The following SH3BP4 variants were observed in gnomAD, a reference collection of about 807,000 sequenced individuals.
The protein encoded by SH3BP4 is SH3 domain-binding protein 4.
A neutral mutation model predicts 65.5 loss-of-function variants in SH3BP4; 33 were observed. The ratio of observed to expected loss-of-function variants is 0.50; its 90% CI spans 0.38 to 0.67. The LOEUF is 0.67. Among genes scored for constraint, SH3BP4 ranks in the 30% least tolerant of loss-of-function variants. The pLI, the probability that SH3BP4 is intolerant of heterozygous loss-of-function variation, is 0.00. For missense variants in SH3BP4, 1,134 were observed against 1,261.4 expected (o/e 0.90, Z 1.53); for synonymous variants, 552 against 545.5 (o/e 1.01, Z -0.17).
intron 4 of SH3BP4, among the ~76,000 whole-genome samples, chr2:235,049,531 C>G (rs568370081): frequency 4.8e-4 from 73 of 152,314 alleles, no homozygotes; most frequent in African/African-American, 1.8e-3. Context: ...GCTGCCACCA[C>G]AGCAAGAAAA....
rs1398236547 is a variant in SH3BP4, at chr2:235,045,110, C to T, written c.2478+1863C>T. On this transcript the variant is annotated intron_variant, in intron 4 of 5. Coordinates refer to ENST00000392011, the MANE Select transcript of SH3BP4 (RefSeq NM_014521.3). The surrounding 1 kb of genome is among the most constrained non-coding windows in gnomAD (Gnocchi z 4.3). ...CTCCTGGCTCTCCAGAACCTGGTGC[C>T]GGGCCGTGGCCTGGTCTCCTCACGG... 6.6e-6 allele frequency among the ~76,000 whole-genome samples: 1 copy of T among 152,172 alleles called. No individual in the cohort carries two copies. The highest frequency in any genetic ancestry group is 1.5e-5 in the Non-Finnish European group (1 of 68,038).
In SH3BP4 at chr2:235,022,507, C is replaced by T. The variant is rs150034798; in HGVS notation, c.-132-12364C>T. 5.4e-3 allele frequency among the ~76,000 whole-genome samples: 817 copies of T among 151,708 alleles called. 5 individuals carry two copies. Among genetic ancestry groups the T allele is most frequent in the African/African-American group, 0.019 (778 of 41,318 alleles). ...CTGCATTCCAGCCTGGGCGACAGAG[C>T]GAGACTCTGTCTCCAAAAAAAAAAA... On this transcript the variant is annotated intron_variant, in intron 2 of 5. Coordinates refer to ENST00000392011, the MANE Select transcript of SH3BP4 (RefSeq NM_014521.3).
chr2:234,990,100 A>G lies in SH3BP4; in HGVS notation c.-206-5203A>G, dbSNP rs1693703276. 2.0e-5 allele frequency among the ~76,000 whole-genome samples: 3 copies of G among 152,356 alleles called. 1 individual carries two copies. Among genetic ancestry groups the G allele is most frequent in the Admixed American group, 1.3e-4 (2 of 15,310 alleles). ...AAACATAAATGAATTTAGTGTTTAG[A>G]CTGGGGTCCCATCTGCAAGATATCT... On this transcript the variant is annotated intron_variant, in intron 1 of 5. Coordinates refer to ENST00000392011, the MANE Select transcript of SH3BP4 (RefSeq NM_014521.3).
At chr2:234,969,959 A>T (rs79761660) in intron 1 of SH3BP4, among the ~76,000 whole-genome samples, 4,679 of 137,786 alleles carry the variant, frequency 0.034, 107 homozygotes, top group Non-Finnish European at 0.039. Flanking sequence ...CCTGTCTCTC[A>T]CACACACACA....
Position 235,052,856 on chromosome 2 carries a change from G to A in SH3BP4, c.2667+106G>A. 2 of 1,103,172 alleles carry A rather than the reference G, an allele frequency of 1.8e-6. No homozygotes were observed. Among genetic ancestry groups the A allele is most frequent in the East Asian group, 2.6e-5 (1 of 38,470 alleles). The allele number at this position is 1,103,172 out of a possible 1,614,324, so 68.3% of individuals were successfully genotyped here. On this transcript the variant is annotated intron_variant, in intron 5 of 5. Transcript: ENST00000392011. The surrounding 1 kb of genome is among the most constrained non-coding windows in gnomAD (Gnocchi z 5.0). Reference sequence around the variant, plus strand: ...GTCTTGCCTCGCGGCATTTCTGTGAGGGTGCAACAGGTGGAAATGTGCACG... The same window carrying A: ...GTCTTGCCTCGCGGCATTTCTGTGAAGGTGCAACAGGTGGAAATGTGCACG...
At chr2:235,009,335 C>T (rs1411542358) in intron 2 of SH3BP4, among the ~76,000 whole-genome samples, 3 of 152,114 alleles carry the variant, frequency 2.0e-5, no homozygotes, top group East Asian at 3.9e-4. Flanking sequence ...CTCAGAGGCT[C>T]GCTCCAGTAT....
In SH3BP4 at chr2:235,050,307, CAG is replaced by C; in HGVS notation, c.2479-2254_2479-2253del. Among the ~76,000 whole-genome samples, 3 of 152,114 alleles carry C rather than the reference CAG, an allele frequency of 2.0e-5. 1 individual carries two copies. The highest frequency in any genetic ancestry group is 2.0e-4 in the Admixed American group (3 of 15,280). ...ATTTTTTTTGTACTTTTAGTAGAGA[CAG>C]GGTTTCACTGTGTTAGCCAGGATGG... On this transcript the variant is annotated intron_variant, in intron 4 of 5. Coordinates refer to ENST00000392011, the MANE Select transcript of SH3BP4 (RefSeq NM_014521.3).
intron 2 of SH3BP4, among the ~76,000 whole-genome samples, chr2:235,009,640 CT>C (rs1227502957): frequency 6.6e-6 from 1 of 152,076 alleles, no homozygotes; most frequent in African/African-American, 2.4e-5. Flanking sequence ...GGGTCTTGCC[CT>C]TGACTCTTGC....
intron 1 of SH3BP4, among the ~76,000 whole-genome samples, chr2:234,969,670 C>A (rs1212410072): frequency 6.6e-6 from 1 of 152,208 alleles, no homozygotes; most frequent in Non-Finnish European, 1.5e-5. Context: ...GCAGGCTGGA[C>A]TTGGAGGGTT....
intron 2 of SH3BP4, among the ~76,000 whole-genome samples, chr2:235,031,617 C>A (rs1419718604): frequency 6.6e-6 from 1 of 152,234 alleles, no homozygotes; most frequent in African/African-American, 2.4e-5. Flanking sequence ...TCCACCACAG[C>A]CCCTCCATCC....
At chr2:234,954,648 A>T (rs1476696035) in intron 1 of SH3BP4, among the ~76,000 whole-genome samples, 3 of 152,226 alleles carry the variant, frequency 2.0e-5, no homozygotes, top group Non-Finnish European at 4.4e-5. Flanking sequence ...GGGCTGCTTG[A>T]ATAGACTTTC....
chr2:234,963,780 A>T (rs924450025), intron 1 of SH3BP4, among the ~76,000 whole-genome samples: 8 of 152,146 alleles, frequency 5.3e-5, no homozygotes, highest in African/African-American at 1.9e-4. Flanking sequence ...TCATGTCGTC[A>T]TGGGTGTCCA....
chr2:234,987,896 T>C (rs1478307959), intron 1 of SH3BP4, among the ~76,000 whole-genome samples: 1 of 152,172 alleles, frequency 6.6e-6, no homozygotes, highest in Non-Finnish European at 1.5e-5. Flanking sequence ...AGTGTGGGTT[T>C]GGCCATGGTG....
chr2:234,985,274 A>T (rs1241147634), intron 1 of SH3BP4, among the ~76,000 whole-genome samples: 1 of 152,186 alleles, frequency 6.6e-6, no homozygotes, highest in Admixed American at 6.5e-5. Context: ...CACATAGTTT[A>T]GCTCCATCCA....
intron 1 of SH3BP4, chr2:234,953,216 C>T (rs1692515950): frequency 6.6e-6 from 1 of 152,198 alleles, no homozygotes; most frequent in Non-Finnish European, 1.5e-5. Flanking sequence ...ACAATGTATG[C>T]TCAGGACAGA....
chr2:235,044,847 C>T (rs1324982039), intron 4 of SH3BP4, among the ~76,000 whole-genome samples: 3 of 152,182 alleles, frequency 2.0e-5, no homozygotes, highest in African/African-American at 4.8e-5. Context: ...GGGTGGCCTG[C>T]AGTCGTGTGC....
At position 235,041,835 on chromosome 2, in the gene SH3BP4, A is replaced by G. The variant is rs902505195; in HGVS notation, c.1066A>G (p.Met356Val). Residue 356 changes from methionine (M) to valine (V), a missense_variant, in exon 4 of 6, where the codon ATG (methionine) becomes GTG (valine). Met to Val is a conservative substitution (Grantham distance 21). Transcript: ENST00000392011. This position sits in a 1 kb window ranked among gnomAD's most constrained non-coding sequence, Gnocchi z 6.0. Reference sequence around the variant, plus strand: ...CCCTGGGGAGACCCAGCAGATCTCCATGAAAGCCCTGCTGGACCCCCCGCT... The same window carrying G: ...CCCTGGGGAGACCCAGCAGATCTCCGTGAAAGCCCTGCTGGACCCCCCGCT... ...VAPGETQQIS[M>V]KALLDPPLEL... 20 of 1,602,238 alleles carry G rather than the reference A, an allele frequency of 1.2e-5. No homozygotes were observed. The highest frequency in any genetic ancestry group is 1.4e-5 in the Non-Finnish European group (17 of 1,173,242).
At chr2:234,958,731 G>A (rs1213942249) in intron 1 of SH3BP4, among the ~76,000 whole-genome samples, 5 of 152,070 alleles carry the variant, frequency 3.3e-5, no homozygotes, top group Non-Finnish European at 4.4e-5. Context: ...AAGCAGACGG[G>A]ACAGTTCTGA....
At chr2:235,022,574 G>A (rs1694877131) in intron 2 of SH3BP4, among the ~76,000 whole-genome samples, 1 of 152,140 alleles carries the variant, frequency 6.6e-6, no homozygotes, top group South Asian at 2.1e-4. Context: ...AATGGTCAAA[G>A]GAGGGTGGAT....
Sources: gnomAD v4.1 joint callset for allele counts (sites outside exome capture counted in the v4.1 genomes callset) on GRCh38, gnomAD v4.1.1 for gene constraint, Gnocchi (gnomAD v3.1) non-coding constraint, MANE v1.5 for transcripts, NCBI Gene and HGNC (gene_info 2026-07-23, HGNC 2026-07-21) for gene names.